Variants in BRWD3 observed in about 807,000 individuals in gnomAD.
BRWD3 encodes bromodomain and WD repeat-containing protein 3.
Under a neutral mutation model 149.7 loss-of-function variants are expected in BRWD3, and 10 were observed. That is an observed-to-expected ratio of 0.07 (90% confidence interval 0.04 to 0.11). BRWD3 has a LOEUF of 0.11. Among genes scored for constraint, BRWD3 ranks in the 10% least tolerant of loss-of-function variants. The pLI is 1.00. For synonymous variants in BRWD3, 504 were observed against 456.7 expected (o/e 1.10, Z -1.32); for missense variants, 940 against 1,373.2 (o/e 0.68, Z 4.99).
chrX:80,756,331 G>A (rs1180553590), intron 6 of BRWD3, among the ~76,000 whole-genome samples: 6 of 108,084 alleles, frequency 5.6e-5, no homozygotes, highest in African/African-American at 1.7e-4. Context: ...GAGAAACCCC[G>A]TCTCTACTAA....
intron 27 of BRWD3, 49 bp downstream of exon 27, chrX:80,695,859 C>T (rs1326805619): frequency 1.7e-5 from 18 of 1,031,378 alleles, no homozygotes; most frequent in Non-Finnish European, 2.4e-5. Flanking sequence ...TAAAAAGTTA[C>T]TTACTGTACA....
At chrX:80,680,896 A>G (rs1237965947) in intron 40 of BRWD3, among the ~76,000 whole-genome samples, 1 of 103,539 alleles carries the variant, frequency 9.7e-6, no homozygotes, top group African/African-American at 3.6e-5. Flanking sequence ...GTAGTCTCCT[A>G]CTCCTGGCTA....
chrX:80,773,053 A>G (rs1180335023), intron 6 of BRWD3, among the ~76,000 whole-genome samples: 1 of 112,182 alleles, frequency 8.9e-6, no homozygotes, highest in Non-Finnish European at 1.9e-5. Context: ...AACACAGATT[A>G]GTGATTGACA....
chrX:80,789,257 C>T (rs1382850044), intron 6 of BRWD3, among the ~76,000 whole-genome samples: 1 of 112,677 alleles, frequency 8.9e-6, no homozygotes, highest in Non-Finnish European at 1.9e-5. Context: ...GGTTTCTCTG[C>T]TGCAAACAGA....
intron 8 of BRWD3, among the ~76,000 whole-genome samples, chrX:80,740,041 C>G (rs745883069): frequency 1.4e-3 from 160 of 111,836 alleles, no homozygotes; most frequent in African/African-American, 5.0e-3. Context: ...TCACAAGTAA[C>G]TGATAATCTC....
intron 6 of BRWD3, among the ~76,000 whole-genome samples, chrX:80,769,139 A>G (rs1371627859): frequency 9.0e-6 from 1 of 111,085 alleles, no homozygotes; most frequent in African/African-American, 3.3e-5. Flanking sequence ...ATGCAATAAG[A>G]ATGGCAGACT....
At chrX:80,756,980 C>G (rs2073748111) in intron 6 of BRWD3, among the ~76,000 whole-genome samples, 1 of 111,409 alleles carries the variant, frequency 9.0e-6, no homozygotes, top group Admixed American at 9.6e-5. Context: ...AATTTAACTT[C>G]CCCTGTAAGT....
Position 80,676,479 on chromosome X carries a change from G to T in BRWD3, c.*130C>A. On this transcript the variant is annotated 3_prime_UTR_variant, in exon 41 of 41. Transcript: ENST00000373275. ...AAAGTCTTGAAACAAATGTATACTG[G>T]CATAAATGGAAAAGCACCAATGTGA... The T allele has an allele frequency of 1.2e-6, 1 of 805,852 alleles. No homozygotes were observed. The highest frequency in any genetic ancestry group is 1.8e-6 in the Non-Finnish European group (1 of 557,752). 66.4% of individuals were successfully genotyped at this position (805,852 alleles called of 1,213,427 possible). A position where few individuals can be genotyped will look rare whatever the true frequency, so the allele number is the denominator to read the frequency against.
chrX:80,722,486 A>G (rs899076466), intron 17 of BRWD3, 76 bp downstream of exon 17: 1 of 942,998 alleles, frequency 1.1e-6, no homozygotes. Flanking sequence ...AGCAGGAGGC[A>G]TACATCATAG....
intron 27 of BRWD3, 34 bp downstream of exon 27, chrX:80,695,874 C>T (rs2072683432): frequency 9.1e-7 from 1 of 1,099,209 alleles, no homozygotes; most frequent in Non-Finnish European, 1.3e-6. Context: ...TGTACATAAG[C>T]TTAATAGTTA....
chrX:80,710,744 G>A, intron 20 of BRWD3: 1 of 519,246 alleles, frequency 1.9e-6, no homozygotes, highest in Non-Finnish European at 3.4e-6. Flanking sequence ...TATCAAATAT[G>A]TAATAATGCT....
intron 10 of BRWD3, among the ~76,000 whole-genome samples, chrX:80,734,592 T>C (rs910970851): frequency 9.0e-5 from 10 of 111,031 alleles, no homozygotes; most frequent in African/African-American, 2.9e-4. Context: ...TTTGGGATGA[T>C]GAAAAAGTTT....
intron 9 of BRWD3, 24 bp downstream of exon 9, chrX:80,735,964 T>C (rs2073397922): frequency 9.0e-7 from 1 of 1,113,967 alleles, no homozygotes; most frequent in African/African-American, 1.8e-5. Flanking sequence ...CATGCTTAAT[T>C]TTTCACAAAA....
intron 29 of BRWD3, 48 bp from the exon 30 acceptor site, chrX:80,692,026 TATC>T: frequency 8.5e-7 from 1 of 1,178,692 alleles, no homozygotes; most frequent in Non-Finnish European, 1.1e-6. Flanking sequence ...TATTTTCCAA[TATC>T]ATGTGATTAC....
rs2074392952 is a variant in BRWD3 at position 80,809,759 on chromosome X, A to AAGAGAGACAGAGAGAGAGAG, written c.-289_-288insCTCTCTCTCTCTGTCTCTCT. 5.3e-5 allele frequency: 1 copy of AAGAGAGACAGAGAGAGAGAG among 18,979 alleles called. No homozygotes were observed. Among genetic ancestry groups the AAGAGAGACAGAGAGAGAGAG allele is most frequent in the Non-Finnish European group, 9.7e-5 (1 of 10,282 alleles). The allele number at this position is 18,979 out of a possible 1,213,427, so 1.6% of individuals were successfully genotyped here. Reference sequence around the variant, plus strand: ...AGAAGAGAGAGAGAGAGAGAGGAAAAAGAGAGAGAGAGAGAGAGAGAGAGA... The same window carrying AAGAGAGACAGAGAGAGAGAG: ...AGAAGAGAGAGAGAGAGAGAGGAAAAAGAGAGACAGAGAGAGAGAGAGAGAGAGAGAGAGAGAGAGAGAGA... On this transcript the variant is annotated 5_prime_UTR_variant, in exon 1 of 41. Coordinates refer to ENST00000373275, the MANE Select transcript of BRWD3 (RefSeq NM_153252.5).
At chrX:80,730,405 G>GA (rs1424819509) in intron 12 of BRWD3, among the ~76,000 whole-genome samples, 1 of 103,069 alleles carries the variant, frequency 9.7e-6, no homozygotes, top group African/African-American at 3.6e-5. Flanking sequence ...AAGAAAGAAA[G>GA]AAAGAAAGAA....
chrX:80,690,526 C>T (rs1457506552), intron 31 of BRWD3, among the ~76,000 whole-genome samples: 1 of 111,260 alleles, frequency 9.0e-6, no homozygotes, highest in Non-Finnish European at 1.9e-5. Context: ...TTCTCAATTG[C>T]AAAGGCAGAT....
intron 20 of BRWD3, among the ~76,000 whole-genome samples, chrX:80,713,701 AT>A (rs1398112091): frequency 8.9e-6 from 1 of 112,283 alleles, no homozygotes; most frequent in Non-Finnish European, 1.9e-5. Context: ...AAAATAAAAA[AT>A]AAAAAAAACA....
At chrX:80,677,471 T>C (rs1430075664) in intron 40 of BRWD3, 108 bp from the exon 41 acceptor site, 4 of 1,011,562 alleles carry the variant, frequency 4.0e-6, no homozygotes, top group East Asian at 6.5e-5. Flanking sequence ...AATACAATCA[T>C]GGAGGGTGTC....
Sources: gnomAD v4.1 joint callset for allele counts (sites outside exome capture counted in the v4.1 genomes callset) on GRCh38, gnomAD v4.1.1 for gene constraint, MANE v1.5 for transcripts, NCBI Gene and HGNC (gene_info 2026-07-23, HGNC 2026-07-21) for gene names.